The following CERS6 variants were observed in gnomAD, a reference collection of about 807,000 sequenced individuals.
CERS6 encodes the protein ceramide synthase 6.
Under a neutral mutation model 56.8 loss-of-function variants are expected in CERS6, and 26 were observed. That is an observed-to-expected ratio of 0.46 (90% CI 0.34 to 0.63). The LOEUF (loss-of-function observed/expected upper bound fraction) is 0.63, where lower values mean the gene tolerates loss of function less well. Among genes scored for constraint, CERS6 ranks in the 30% least tolerant of loss-of-function variants. The probability of loss-of-function intolerance (pLI) is 0.01; values close to 1 mark genes in which losing one functional copy is unlikely to be tolerated. For synonymous variants in CERS6, 164 were observed against 173.3 expected (o/e 0.95, Z 0.42); for missense variants, 415 against 467.5 (o/e 0.89, Z 1.04).
At chr2:168,695,318 C>G (rs1044393061) in intron 6 of CERS6, among the ~76,000 whole-genome samples, 15 of 152,146 alleles carry the variant, frequency 9.9e-5, no homozygotes, top group Non-Finnish European at 2.2e-4. Flanking sequence ...ATGATTTTCT[C>G]TCAATCTAAT....
intron 1 of CERS6, among the ~76,000 whole-genome samples, chr2:168,507,570 A>G (rs570597423): frequency 6.6e-6 from 1 of 152,060 alleles, no homozygotes; most frequent in Non-Finnish European, 1.5e-5. Flanking sequence ...GGTGGTGATA[A>G]TCTGGATCAC....
chr2:168,700,691 C>T (rs1471477903), intron 6 of CERS6, among the ~76,000 whole-genome samples: 2 of 152,160 alleles, frequency 1.3e-5, no homozygotes, highest in South Asian at 2.1e-4. Context: ...ACTCCTAATT[C>T]GATGTGACCT....
chr2:168,496,672 A>G (rs1296985149), intron 1 of CERS6, among the ~76,000 whole-genome samples: 1 of 152,196 alleles, frequency 6.6e-6, no homozygotes, highest in African/African-American at 2.4e-5. Flanking sequence ...AAAGTACAAC[A>G]TAGAAGATAT....
chr2:168,762,843 C>T (rs1684619852), intron 8 of CERS6, among the ~76,000 whole-genome samples: 2 of 151,966 alleles, frequency 1.3e-5, no homozygotes, highest in South Asian at 4.1e-4. Context: ...GGGGAAGAAC[C>T]TATTTGTCTA....
intron 1 of CERS6, among the ~76,000 whole-genome samples, chr2:168,507,649 G>T (rs1694702800): frequency 6.6e-6 from 1 of 152,058 alleles, no homozygotes; most frequent in Admixed American, 6.6e-5. Context: ...TTGTGGGGAG[G>T]TCTTCCAAGG....
At chr2:168,695,984 G>A (rs1465415552) in intron 6 of CERS6, among the ~76,000 whole-genome samples, 1 of 152,036 alleles carries the variant, frequency 6.6e-6, no homozygotes, top group Non-Finnish European at 1.5e-5. Context: ...ATGCTCATTG[G>A]AGCATTTTGC....
At position 168,669,105 on chromosome 2, in the gene CERS6, T is replaced by C. The variant is rs117676979; in HGVS notation, c.466-21929T>C. ...ACAAGAAAAAAGTTTATTTCTCATG[T>C]TAAAGAAGTCTGAAGTCTGATATGA... On this transcript the variant is annotated intron_variant, in intron 4 of 9. Coordinates refer to ENST00000305747, the MANE Select transcript of CERS6 (RefSeq NM_203463.3). 1.6e-3 allele frequency among the ~76,000 whole-genome samples: 251 copies of C among 152,312 alleles called. 4 individuals are homozygous for C. Among genetic ancestry groups the C allele is most frequent in the East Asian group, 0.014 (73 of 5,186 alleles).
intron 5 of CERS6, among the ~76,000 whole-genome samples, chr2:168,693,810 T>G (rs1375515005): frequency 6.6e-6 from 1 of 152,124 alleles, no homozygotes; most frequent in African/African-American, 2.4e-5. Flanking sequence ...CATATGAATG[T>G]TAGGGGGACA....
rs567199385 is a variant in CERS6 at position 168,677,687 on chromosome 2, G to C, written c.466-13347G>C. 2.6e-5 allele frequency among the ~76,000 whole-genome samples: 4 copies of C among 152,106 alleles called. No individual in the cohort carries two copies. The South Asian group carries it at 8.3e-4, about 32-fold the overall frequency. On this transcript the variant is annotated intron_variant, in intron 4 of 9. Transcript: ENST00000305747. Reference sequence around the variant, plus strand: ...TAATTTTCTATTTTTAGTAGAGACAGGGTTTCTCTATGTTGGTCAGGCTGG... The same window carrying C: ...TAATTTTCTATTTTTAGTAGAGACACGGTTTCTCTATGTTGGTCAGGCTGG...
chr2:168,726,765 A>G (rs1683365804), intron 8 of CERS6, among the ~76,000 whole-genome samples: 1 of 152,260 alleles, frequency 6.6e-6, no homozygotes, highest in Admixed American at 6.5e-5. Context: ...TGTTATTGTT[A>G]AAGATATAAA....
intron 8 of CERS6, among the ~76,000 whole-genome samples, chr2:168,737,799 A>G (rs1683761452): frequency 6.6e-6 from 1 of 152,222 alleles, no homozygotes; most frequent in Admixed American, 6.5e-5. Context: ...CAGTTTATAA[A>G]CAGCTTTTGA....
At chr2:168,698,411 A>C (rs576091567) in intron 6 of CERS6, among the ~76,000 whole-genome samples, 1 of 152,164 alleles carries the variant, frequency 6.6e-6, no homozygotes, top group Non-Finnish European at 1.5e-5. Flanking sequence ...ACTTATAATC[A>C]TAGCAGAAGG....
chr2:168,534,036 G>A (rs768065152), intron 1 of CERS6, among the ~76,000 whole-genome samples: 3 of 151,966 alleles, frequency 2.0e-5, no homozygotes, highest in African/African-American at 4.8e-5. Flanking sequence ...TATGCTTCAC[G>A]AAGTTCTCGT....
chr2:168,580,381 C>T (rs965894029), intron 3 of CERS6, among the ~76,000 whole-genome samples: 3 of 151,922 alleles, frequency 2.0e-5, no homozygotes, highest in Non-Finnish European at 4.4e-5. Flanking sequence ...TGGTGGTTAT[C>T]CTAGAAATTA....
chr2:168,688,843 C>G (rs1037561913), intron 4 of CERS6, among the ~76,000 whole-genome samples: 1 of 152,150 alleles, frequency 6.6e-6, no homozygotes, highest in African/African-American at 2.4e-5. Flanking sequence ...TTCTGCAGTT[C>G]AGTCAGGCAT....
At chr2:168,600,469 G>C (rs556529122) in intron 3 of CERS6, among the ~76,000 whole-genome samples, 2 of 152,300 alleles carry the variant, frequency 1.3e-5, no homozygotes, top group South Asian at 4.1e-4. Context: ...CTCCAAAAGT[G>C]CTGGGATTAC....
At chr2:168,687,851 A>G (rs1686394380) in intron 4 of CERS6, among the ~76,000 whole-genome samples, 1 of 152,112 alleles carries the variant, frequency 6.6e-6, no homozygotes, top group South Asian at 2.1e-4. Context: ...CTATAGGCAT[A>G]TGCCACCGTG....
At chr2:168,755,323 T>G (rs78655729) in intron 8 of CERS6, among the ~76,000 whole-genome samples, 1,622 of 152,332 alleles carry the variant, frequency 0.011, 31 homozygotes, top group African/African-American at 0.036. Context: ...TTACTATGGC[T>G]CTAGCTCTCT....
rs562692043 is a variant in CERS6, at chr2:168,728,667, G to A, written c.845+10689G>A. On this transcript the variant is annotated intron_variant, in intron 8 of 9. Coordinates refer to ENST00000305747, the MANE Select transcript of CERS6 (RefSeq NM_203463.3). Reference sequence around the variant, plus strand: ...AGAAGGGAGAACAGAATATGCTCTCGATTAAGTAGGCTTTTTCCTTTTGTG... The same window carrying A: ...AGAAGGGAGAACAGAATATGCTCTCAATTAAGTAGGCTTTTTCCTTTTGTG... Among the ~76,000 whole-genome samples, 11 of 151,734 alleles carry A rather than the reference G, an allele frequency of 7.2e-5. No homozygotes were observed. In the South Asian group the frequency reaches 2.1e-3, roughly 29 times the overall value.
Sources: allele counts gnomAD v4.1 joint callset (sites outside exome capture counted in the v4.1 genomes callset), GRCh38; gene constraint gnomAD v4.1.1; transcripts MANE v1.5; gene names NCBI Gene and HGNC (gene_info 2026-07-23, HGNC 2026-07-21).